Variants in RYR3 observed in about 807,000 individuals in gnomAD.
RYR3 encodes ryanodine receptor 3, also known as brain ryanodine receptor-calcium release channel.
RYR3 carries 207 observed loss-of-function variants against 584.3 expected under a neutral mutation model. That is an observed-to-expected ratio of 0.35 (90% CI 0.32 to 0.40). The LOEUF (loss-of-function observed/expected upper bound fraction) is 0.40, where lower values mean the gene tolerates loss of function less well. Ranked by LOEUF, RYR3 falls within the 10% of genes least tolerant of loss-of-function variation. RYR3 has a pLI of 1.00. For synonymous variants in RYR3, 2,416 were observed against 2,248.5 expected, an observed-to-expected ratio of 1.07 and a Z score of -2.11; for missense variants, 5,616 against 6,089.2, an observed-to-expected ratio of 0.92 and a Z score of 2.59.
At chr15:33,441,659 C>T (rs1229070480) in intron 1 of RYR3, among the ~76,000 whole-genome samples, 1 of 152,186 alleles carries the variant, frequency 6.6e-6, no homozygotes, top group Admixed American at 6.5e-5. Context: ...ATTAAGCTTA[C>T]AAAATGTTCA....
chr15:33,346,602 G>A (rs577578781), intron 1 of RYR3, among the ~76,000 whole-genome samples: 2 of 152,190 alleles, frequency 1.3e-5, no homozygotes, highest in Non-Finnish European at 2.9e-5. Flanking sequence ...TGTATCTACT[G>A]TTGGAGTTCA....
chr15:33,708,206 G>A (rs9652487), intron 43 of RYR3, among the ~76,000 whole-genome samples: 8,129 of 152,206 alleles, frequency 0.053, 693 homozygotes, highest in African/African-American at 0.18. Flanking sequence ...GAATTAACAC[G>A]GAGTTACTGT....
intron 7 of RYR3, among the ~76,000 whole-genome samples, chr15:33,541,672 G>C (rs568005817): frequency 1.3e-5 from 2 of 152,170 alleles, no homozygotes; most frequent in African/African-American, 4.8e-5. Flanking sequence ...TGGGAATGCC[G>C]GTCTATTCTA....
At chr15:33,755,794 A>T (rs1326530139) in intron 58 of RYR3, among the ~76,000 whole-genome samples, 1 of 151,254 alleles carries the variant, frequency 6.6e-6, no homozygotes, top group African/African-American at 2.4e-5. Flanking sequence ...TCTGAGATGG[A>T]GTTTTGCTCT....
intron 1 of RYR3, among the ~76,000 whole-genome samples, chr15:33,415,467 C>G (rs1046737628): frequency 6.6e-6 from 1 of 151,714 alleles, no homozygotes; most frequent in South Asian, 2.1e-4. Context: ...TCCACATACT[C>G]AGCAGCTTAC....
intron 60 of RYR3, among the ~76,000 whole-genome samples, chr15:33,758,658 C>CA (rs1195313430): frequency 6.6e-6 from 1 of 152,184 alleles, no homozygotes; most frequent in Non-Finnish European, 1.5e-5. Context: ...GGATTGTAGA[C>CA]AAAACTCCCA....
intron 3 of RYR3, among the ~76,000 whole-genome samples, chr15:33,510,546 T>C (rs2052887922): frequency 6.6e-6 from 1 of 152,074 alleles, no homozygotes; most frequent in Non-Finnish European, 1.5e-5. Context: ...ACAAAATCCA[T>C]CCAGGACAGC....
chr15:33,332,806 G>A (rs1201763636), intron 1 of RYR3, among the ~76,000 whole-genome samples: 1 of 151,962 alleles, frequency 6.6e-6, no homozygotes, highest in Non-Finnish European at 1.5e-5. Flanking sequence ...TGTAGCTCAA[G>A]CAATACTTAG....
At chr15:33,538,097 T>C (rs1019342975) in intron 5 of RYR3, among the ~76,000 whole-genome samples, 1 of 152,156 alleles carries the variant, frequency 6.6e-6, no homozygotes, top group Non-Finnish European at 1.5e-5. Flanking sequence ...TTATTAATTA[T>C]AAGATTTTTT....
chr15:33,520,227 T>G (rs2053878362), intron 3 of RYR3, among the ~76,000 whole-genome samples: 1 of 152,240 alleles, frequency 6.6e-6, no homozygotes, highest in Non-Finnish European at 1.5e-5. Flanking sequence ...ACTCCTATTT[T>G]GTTATCTATA....
At chr15:33,578,818 T>C (rs940462045) in intron 12 of RYR3, among the ~76,000 whole-genome samples, 10 of 151,352 alleles carry the variant, frequency 6.6e-5, no homozygotes, top group African/African-American at 1.2e-4. Flanking sequence ...TACTTGCACA[T>C]TGAGCCAATT....
chr15:33,372,610 C>T (rs952523751), intron 1 of RYR3, among the ~76,000 whole-genome samples: 1 of 152,086 alleles, frequency 6.6e-6, no homozygotes, highest in African/African-American at 2.4e-5. Context: ...TGTGATCCAC[C>T]TGCCTCGGCC....
intron 3 of RYR3, among the ~76,000 whole-genome samples, chr15:33,518,989 C>G (rs1366971565): frequency 6.6e-6 from 1 of 152,202 alleles, no homozygotes; most frequent in Non-Finnish European, 1.5e-5. Context: ...TCAGAGCTGA[C>G]TAATTCCAGA....
At chr15:33,600,177 G>A (rs2059589336) in intron 16 of RYR3, among the ~76,000 whole-genome samples, 2 of 152,094 alleles carry the variant, frequency 1.3e-5, no homozygotes, top group South Asian at 4.1e-4. Flanking sequence ...TCCCGTAAAT[G>A]TGCTTTGTAT....
chr15:33,596,797 A>C (rs190742142), intron 16 of RYR3, among the ~76,000 whole-genome samples: 1 of 152,082 alleles, frequency 6.6e-6, no homozygotes, highest in South Asian at 2.1e-4. Flanking sequence ...GCTATAGAAC[A>C]CTAGAACTTA....
chr15:33,748,441 C>T (rs1268717263), intron 54 of RYR3, 27 bp from the exon 55 acceptor site: 32 of 1,607,942 alleles, frequency 2.0e-5, no homozygotes, highest in Non-Finnish European at 2.5e-5. Flanking sequence ...TAATGGCAAC[C>T]CAGTGACTCT....
At position 33,489,930 on chromosome 15, in the gene RYR3, T is replaced by C. The variant is rs12324873; in HGVS notation, c.172-13701T>C. On this transcript the variant is annotated intron_variant, in intron 2 of 103. Transcript: ENST00000634891. ...GGTGAGATGGAACCTCATTTGCCCA[T>C]TCATTCCTTAAAGTTTCATTCTTTT... 8.8e-3 allele frequency among the ~76,000 whole-genome samples: 865 copies of C among 98,770 alleles called. 6 individuals carry two copies. Among genetic ancestry groups the C allele is most frequent in the African/African-American group, 0.027 (674 of 25,430 alleles). 64.8% of individuals were successfully genotyped at this position (98,770 alleles called of 152,430 possible). A position where few individuals can be genotyped will look rare whatever the true frequency, so the allele number is the denominator to read the frequency against.
At chr15:33,764,239 A>G (rs2152874333) in intron 60 of RYR3, among the ~76,000 whole-genome samples, 1 of 152,354 alleles carries the variant, frequency 6.6e-6, no homozygotes, top group Middle Eastern at 3.4e-3. Context: ...ATGGAATCCT[A>G]TGCAGCCATA....
At chr15:33,450,066 TGCG>T (rs1251188059) in intron 1 of RYR3, among the ~76,000 whole-genome samples, 1 of 128,870 alleles carries the variant, frequency 7.8e-6, no homozygotes, top group Non-Finnish European at 1.5e-5. Context: ...CTGTCCTTAC[TGCG>T]GCTAGAGCAT....
Sources: gnomAD v4.1 joint callset for allele counts (sites outside exome capture counted in the v4.1 genomes callset) on GRCh38, gnomAD v4.1.1 for gene constraint, MANE v1.5 for transcripts, NCBI Gene and HGNC (gene_info 2026-07-23, HGNC 2026-07-21) for gene names.